MEAF6: variants seen among roughly 807,000 people sequenced by gnomAD.
MEAF6 encodes MYST/Esa1 associated factor 6, also known as chromatin modification-related protein MEAF6.
MEAF6 carries 15 observed loss-of-function variants against 28.9 expected under a neutral mutation model. That is an observed-to-expected ratio of 0.52 (90% CI 0.35 to 0.80). The LOEUF is 0.80. Among genes scored for constraint, MEAF6 ranks in the 30% least tolerant of loss-of-function variants. MEAF6 has a pLI of 0.01. For missense variants in MEAF6, 178 were observed against 237.5 expected, an observed-to-expected ratio of 0.75 and a Z score of 1.65; for synonymous variants, 97 against 88.7, an observed-to-expected ratio of 1.09 and a Z score of -0.53.
At chr1:37,509,100 G>C (rs1414448612) in intron 4 of MEAF6, among the ~76,000 whole-genome samples, 178 bp downstream of exon 4, 1 of 152,106 alleles carries the variant, frequency 6.6e-6, no homozygotes, top group Non-Finnish European at 1.5e-5. Context: ...GTCTGGGTCG[G>C]GGAGTGGAGA....
chr1:37,502,122 CATGTTG>C, intron 4 of MEAF6, 126 bp from the exon 5 acceptor site: 1 of 48,852 alleles, frequency 2.0e-5, no homozygotes, highest in Non-Finnish European at 4.2e-5. Flanking sequence ...AGAGAAGATA[CATGTTG>C]ACAGAGAAGA....
At chr1:37,496,057 T>C in intron 5 of MEAF6, 139 bp from the exon 6 acceptor site, 1 of 697,310 alleles carries the variant, frequency 1.4e-6, no homozygotes. Flanking sequence ...GACTATGTCA[T>C]ATTTAGTTGT....
intron 6 of MEAF6, among the ~76,000 whole-genome samples, 181 bp downstream of exon 6, chr1:37,495,702 AAC>A (rs1437401657): frequency 2.7e-4 from 31 of 113,508 alleles, no homozygotes; most frequent in South Asian, 5.1e-4. Context: ...AAAAACAAAA[AAC>A]AAAAAAAAAA....
In MEAF6 at chr1:37,493,615, AC is replaced by A; in HGVS notation, c.*483del. On this transcript the variant is annotated 3_prime_UTR_variant, in exon 7 of 7. Coordinates refer to ENST00000296214, the MANE Select transcript of MEAF6 (RefSeq NM_001270875.3). ...AGCTGTACAAAGGCATTACAAAAAAACCCCAAAGAAAATAAGATAAAAACAA... is the reference window on the plus strand; with the variant it reads ...AGCTGTACAAAGGCATTACAAAAAAACCCAAAGAAAATAAGATAAAAACAA... 2.7e-6 allele frequency: 2 copies of A among 727,978 alleles called. No individual in the cohort carries two copies. Among genetic ancestry groups the A allele is most frequent in the South Asian group, 1.7e-5 (1 of 58,462 alleles). 45.1% of individuals were successfully genotyped at this position (727,978 alleles called of 1,614,324 possible).
rs1381347145 is a variant in MEAF6 at position 37,493,023 on chromosome 1, G to T, written c.*1076C>A. 2 of 152,220 alleles carry T rather than the reference G, an allele frequency of 1.3e-5. No homozygotes were observed. Among genetic ancestry groups the T allele is most frequent in the Admixed American group, 1.3e-4 (2 of 15,280 alleles). The allele number at this position is 152,220 out of a possible 1,614,324, so 9.4% of individuals were successfully genotyped here. On this transcript the variant is annotated 3_prime_UTR_variant, in exon 7 of 7. Transcript: ENST00000296214. ...CACCACAGCACTAGAGGCAGGTAAC[G>T]ATTACTAGCAGATTCCTCAGCCCCA...
At chr1:37,498,016 G>A (rs933395887) in intron 5 of MEAF6, among the ~76,000 whole-genome samples, 1 of 152,142 alleles carries the variant, frequency 6.6e-6, no homozygotes, top group Non-Finnish European at 1.5e-5. Context: ...GCCATGATCT[G>A]GGCAGGCCTC....
chr1:37,494,237 C>A, intron 6 of MEAF6, 130 bp from the exon 7 acceptor site: 1 of 795,182 alleles, frequency 1.3e-6, no homozygotes, highest in Non-Finnish European at 2.1e-6. Context: ...TATTTCAGGC[C>A]AGGCACAGTG....
intron 4 of MEAF6, among the ~76,000 whole-genome samples, chr1:37,508,905 T>C (rs910898124): frequency 1.3e-5 from 2 of 152,228 alleles, no homozygotes; most frequent in Non-Finnish European, 2.9e-5. Flanking sequence ...TGGACTAGCC[T>C]GGGCAACATA....
intron 4 of MEAF6, among the ~76,000 whole-genome samples, chr1:37,504,020 G>A (rs935138757): frequency 5.3e-5 from 8 of 152,286 alleles, no homozygotes; most frequent in East Asian, 1.9e-4. Flanking sequence ...ATCTCAACTC[G>A]AATTGTAATC....
At chr1:37,502,106 A>ATTGACAGAGAAGATACATG (rs57320145) in intron 4 of MEAF6, 110 bp from the exon 5 acceptor site, 9 of 516,842 alleles carry the variant, frequency 1.7e-5, no homozygotes, top group Middle Eastern at 4.3e-4. Context: ...CTATCCTCTA[A>ATTGACAGAGAAGATACATG]TTGACAGAGA....
At chr1:37,495,061 G>A (rs1396388493) in intron 6 of MEAF6, among the ~76,000 whole-genome samples, 1 of 151,970 alleles carries the variant, frequency 6.6e-6, no homozygotes, top group African/African-American at 2.4e-5. Context: ...CCGGCCGGGT[G>A]CGGTGGCTCA....
Position 37,491,632 on chromosome 1 carries a change from G to A in MEAF6, c.*2467C>T, listed in dbSNP as rs1485828595. On this transcript the variant is annotated 3_prime_UTR_variant, in exon 7 of 7. Transcript: ENST00000296214. ...GAAGATGGCTTGACCCCAGAAGTTC[G>A]AGGCTGCACTGAGCTTTGATCAGGC... Among the ~76,000 whole-genome samples, 2 of 152,066 alleles carry A rather than the reference G, an allele frequency of 1.3e-5. No homozygotes were observed. The highest frequency in any genetic ancestry group is 6.6e-5 in the Admixed American group (1 of 15,266).
chr1:37,509,511 G>A lies in MEAF6; in HGVS notation c.238C>T (p.Arg80Trp), dbSNP rs966763063. The A allele has an allele frequency of 2.5e-6, 4 of 1,613,872 alleles. No homozygotes were observed. In the African/African-American group the frequency reaches 4.0e-5, roughly 16 times the overall value. ...NSNSKNDRRNRKFKEAERLFS... is the reference protein window; with the variant it reads ...NSNSKNDRRNWKFKEAERLFS... Reference sequence around the variant, plus strand: ...AGCCGCTCAGCTTCCTTAAACTTCCGGTTCCTTCGATCATTTTTGCTATTG... The same window carrying A: ...AGCCGCTCAGCTTCCTTAAACTTCCAGTTCCTTCGATCATTTTTGCTATTG... Residue 80 changes from arginine (R) to tryptophan (W), a missense_variant, in exon 3 of 7, where the codon CGG (arginine) becomes TGG (tryptophan). Coordinates refer to ENST00000296214, the MANE Select transcript of MEAF6 (RefSeq NM_001270875.3).
At chr1:37,513,916 G>A (rs1337140425) in intron 1 of MEAF6, 2 of 258,480 alleles carry the variant, frequency 7.7e-6, no homozygotes, top group East Asian at 7.2e-5. Flanking sequence ...GCCTTTCAGC[G>A]TCAACTCGCT....
chr1:37,498,303 T>A (rs1642184887), intron 5 of MEAF6, among the ~76,000 whole-genome samples: 1 of 152,124 alleles, frequency 6.6e-6, no homozygotes, highest in Non-Finnish European at 1.5e-5. Flanking sequence ...TGACTTGACT[T>A]TGTTCACAAA....
At chr1:37,494,299 AG>A (rs1452787533) in intron 6 of MEAF6, among the ~76,000 whole-genome samples, 192 bp from the exon 7 acceptor site, 1 of 151,792 alleles carries the variant, frequency 6.6e-6, no homozygotes, top group Non-Finnish European at 1.5e-5. Flanking sequence ...GGAGATCACG[AG>A]GTCAGGAGTT....
chr1:37,499,144 T>C (rs72657770), intron 5 of MEAF6, among the ~76,000 whole-genome samples: 7,756 of 152,030 alleles, frequency 0.051, 290 homozygotes, highest in Non-Finnish European at 0.077. Flanking sequence ...CAGCAAGACC[T>C]TGTTTCAAGA....
At chr1:37,495,797 A>T in intron 6 of MEAF6, 88 bp downstream of exon 6, 1 of 1,286,592 alleles carries the variant, frequency 7.8e-7, no homozygotes, top group Non-Finnish European at 1.1e-6. Context: ...ACTCCAGGTT[A>T]GGAACACTCA....
intron 5 of MEAF6, 80 bp downstream of exon 5, chr1:37,501,724 C>CT: frequency 7.6e-7 from 1 of 1,320,224 alleles, no homozygotes; most frequent in South Asian, 1.9e-5. Context: ...CTGCAGCAAT[C>CT]CTAAAGAGTT....
Sources: allele counts gnomAD v4.1 joint callset (sites outside exome capture counted in the v4.1 genomes callset), GRCh38; gene constraint gnomAD v4.1.1; transcripts MANE v1.5; gene names NCBI Gene and HGNC (gene_info 2026-07-23, HGNC 2026-07-21).